ZC3H13: variants seen among roughly 807,000 people sequenced by gnomAD.
ZC3H13 encodes zinc finger CCCH domain-containing protein 13.
Under a neutral mutation model 204.1 loss-of-function variants are expected in ZC3H13, and 64 were observed. The ratio of observed to expected loss-of-function variants is 0.31; its 90% CI spans 0.26 to 0.39. The LOEUF (loss-of-function observed/expected upper bound fraction) is 0.39, where lower values mean the gene tolerates loss of function less well. Ranked by LOEUF, ZC3H13 falls within the 10% of genes least tolerant of loss-of-function variation. The probability of loss-of-function intolerance (pLI) is 1.00; values close to 1 mark genes in which losing one functional copy is unlikely to be tolerated. For missense variants in ZC3H13, 1,833 were observed against 2,082.7 expected (o/e 0.88, Z 2.33); for synonymous variants, 667 against 693.7 (o/e 0.96, Z 0.60).
chr13:45,965,166 TA>T, intron 16 of ZC3H13, 113 bp downstream of exon 16: 1 of 1,332,904 alleles, frequency 7.5e-7, no homozygotes, highest in Non-Finnish European at 1.0e-6. Flanking sequence ...AAGTAAAATG[TA>T]AAAGGAAAAA....
intron 5 of ZC3H13, among the ~76,000 whole-genome samples, chr13:46,013,311 G>A (rs937672590): frequency 1.3e-5 from 2 of 151,982 alleles, no homozygotes; most frequent in African/African-American, 4.8e-5. Context: ...CTACTCAGGA[G>A]TCAGAGGCAG....
rs79321217 is a variant in ZC3H13, at chr13:46,016,171, A to G, written c.448+4278T>C. Among the ~76,000 whole-genome samples, 1,300 of 152,276 alleles carry G rather than the reference A, an allele frequency of 8.5e-3. 18 individuals carry two copies. Among genetic ancestry groups the G allele is most frequent in the African/African-American group, 0.029 (1,220 of 41,556 alleles). The stretch of plus-strand genomic sequence containing the variant: ...CATTTTTGATCTGAAATTATCTACT[A>G]AAGAGGAACACATTCACACTCCACA... On this transcript the variant is annotated intron_variant, in intron 5 of 18. Coordinates refer to ENST00000679008, the MANE Select transcript of ZC3H13 (RefSeq NM_001330564.2).
rs542019177 is a variant in ZC3H13, at chr13:45,988,805, G to A, written c.1237C>T (p.Arg413Cys). ...TACACACCTTCCCTCCTTTCATGGC[G>A]TCGATCATGAGACTGTGAAGTTCGT... ...HERTSQSHDR[R>C]HERREDTRGK... Residue 413 changes from arginine to cysteine, a missense_variant, in exon 9 of 19, where the codon CGC becomes TGC. This residue lies in a region of ZC3H13 where 1,574 missense variants were observed against 1,757.2 expected (regional missense o/e 0.90). Transcript: ENST00000679008. 14 of 1,612,320 alleles carry A rather than the reference G, an allele frequency of 8.7e-6. No individual in the cohort carries two copies. Among genetic ancestry groups the A allele is most frequent in the African/African-American group, 2.7e-5 (2 of 74,830 alleles).
chr13:46,042,165 C>G lies in ZC3H13; in HGVS notation c.338G>C (p.Arg113Thr), dbSNP rs763891640. The G allele has an allele frequency of 6.2e-7, 1 of 1,611,614 alleles. No homozygotes were observed. Among genetic ancestry groups the G allele is most frequent in the Admixed American group, 1.7e-5 (1 of 59,904 alleles). The change falls in exon 4 of 19, where the codon AGG becomes ACG. Residue 113 changes from arginine to threonine, a missense_variant and splice_region_variant. This residue lies in a region of ZC3H13 where 1,574 missense variants were observed against 1,757.2 expected (regional missense o/e 0.90). Transcript: ENST00000679008. ...TTGTTTTGGGAAATTCAATCCTACC[C>G]TAACAGGTGAGGATGACTCCTCTGT... ...RNTEESSSPV[R>T]KESSRGRHRE... is the part of the protein sequence containing the mutation.
chr13:46,012,077 C>T (rs894696155), intron 5 of ZC3H13, among the ~76,000 whole-genome samples: 12 of 152,168 alleles, frequency 7.9e-5, no homozygotes, highest in Non-Finnish European at 1.6e-4. Context: ...AATTTTAGTA[C>T]TAATGTGTAC....
intron 4 of ZC3H13, among the ~76,000 whole-genome samples, chr13:46,027,828 A>T (rs1566319177): frequency 6.6e-6 from 1 of 152,240 alleles, no homozygotes. Context: ...ATGCTAAAAA[A>T]GAATGAACAA....
At chr13:45,974,135 G>C (rs1952817299) in intron 12 of ZC3H13, among the ~76,000 whole-genome samples, 1 of 152,348 alleles carries the variant, frequency 6.6e-6, no homozygotes, top group Non-Finnish European at 1.5e-5. Context: ...GTAAACCACA[G>C]TGTTTATCCC....
At chr13:46,025,100 A>G (rs1354972117) in intron 4 of ZC3H13, among the ~76,000 whole-genome samples, 2 of 152,212 alleles carry the variant, frequency 1.3e-5, no homozygotes, top group Non-Finnish European at 1.5e-5. Flanking sequence ...TTGTATGTCA[A>G]TAACATTCTC....
intron 8 of ZC3H13, among the ~76,000 whole-genome samples, chr13:45,992,315 C>A (rs1366949177): frequency 6.6e-6 from 1 of 152,034 alleles, no homozygotes; most frequent in African/African-American, 2.4e-5. Flanking sequence ...AATGAGGATA[C>A]AGAAATGAAG....
Position 46,045,459 on chromosome 13 carries a change from A to G in ZC3H13, c.49T>C (p.Ser17Pro). 6.2e-7 allele frequency: 1 copy of G among 1,614,076 alleles called. No homozygotes were observed. Among genetic ancestry groups the G allele is most frequent in the African/African-American group, 1.3e-5 (1 of 75,038 alleles). Residue 17 changes from serine to proline, a missense_variant, in exon 2 of 19, where the codon TCT becomes CCT. This residue lies in a region of ZC3H13 where 24 missense variants were observed against 27.6 expected (regional missense o/e 0.87). Coordinates refer to ENST00000679008, the MANE Select transcript of ZC3H13 (RefSeq NM_001330564.2). ...CTGGGTCTTCGGGATGTGCTATCAG[A>G]TATAGTCTTGGTATTTTCCACTGTG... ...KVTVENTKTI[S>P]DSTSRRPSVF... is the part of the protein sequence containing the mutation.
intron 8 of ZC3H13, among the ~76,000 whole-genome samples, chr13:45,993,878 T>C (rs543188994): frequency 6.6e-6 from 1 of 152,276 alleles, no homozygotes; most frequent in East Asian, 1.9e-4. Flanking sequence ...GTAAAACAGA[T>C]TTGATTAAAA....
rs985671947 is a variant in ZC3H13, at chr13:45,967,526, G to A, written c.4299C>T (p.Ser1433=). 1.2e-5 allele frequency: 18 copies of A among 1,561,894 alleles called. No homozygotes were observed. Among genetic ancestry groups the A allele is most frequent in the East Asian group, 9.0e-5 (4 of 44,494 alleles). ...CACCTTCCAGACTCTCAGTTCTCTCGGATTTATTTGTTTCTTCAAATCCCT... is the reference window on the plus strand; with the variant it reads ...CACCTTCCAGACTCTCAGTTCTCTCAGATTTATTTGTTTCTTCAAATCCCT... ...SVQGFEETNK[S]ERTESLEAGD... The change falls in exon 15 of 19, where the codon TCC becomes TCT. Residue 1433 remains serine, a synonymous_variant. Transcript: ENST00000679008.
Position 45,969,244 on chromosome 13 carries a change from A to G in ZC3H13, c.3300T>C (p.Leu1100=). ...TAGCCACAGGCGGTGGAGGAGGAAG[A>G]AGAGAAGATAGAGGAGAAGGGGTAC... is the stretch of plus-strand genomic sequence containing the variant. ...PGSTPSPLSS[L]LPPPPPVATA... The change falls in exon 14 of 19, where the codon CTT becomes CTC. Residue 1100 remains leucine, a synonymous_variant. Coordinates refer to ENST00000679008, the MANE Select transcript of ZC3H13 (RefSeq NM_001330564.2). 1 of 1,614,020 alleles carries G rather than the reference A, an allele frequency of 6.2e-7. No homozygotes were observed. Among genetic ancestry groups the G allele is most frequent in the Non-Finnish European group, 8.5e-7 (1 of 1,180,000 alleles).
chr13:45,996,656 A>G (rs769810922), intron 8 of ZC3H13, among the ~76,000 whole-genome samples: 62 of 152,132 alleles, frequency 4.1e-4, no homozygotes, highest in Non-Finnish European at 6.3e-4. Flanking sequence ...CAGTTTGGCA[A>G]TAACAGTAAT....
At position 46,052,683 on chromosome 13, in the gene ZC3H13, C is replaced by T. The variant is rs1017731245; in HGVS notation, c.-289G>A. ...GAAGAGATTGTAGATTAAGAAAAGG[C>T]AACAAAAACACTACCAGGCCGCTAG... On this transcript the variant is annotated 5_prime_UTR_variant, in exon 1 of 19. Transcript: ENST00000679008. 5.0e-6 allele frequency: 2 copies of T among 398,762 alleles called. No individual in the cohort carries two copies. Among genetic ancestry groups the T allele is most frequent in the Non-Finnish European group, 8.8e-6 (2 of 226,236 alleles). 24.7% of individuals were successfully genotyped at this position (398,762 alleles called of 1,614,324 possible). A position where few individuals can be genotyped will look rare whatever the true frequency, so the allele number is the denominator to read the frequency against.
At chr13:46,010,122 TA>T in intron 7 of ZC3H13, 1 of 330,664 alleles carries the variant, frequency 3.0e-6, no homozygotes, top group Middle Eastern at 8.7e-4. Context: ...TTTTATTTCT[TA>T]AAAAATAAAA....
At chr13:45,963,408 G>T in intron 17 of ZC3H13, 1 of 991,882 alleles carries the variant, frequency 1.0e-6, no homozygotes, top group East Asian at 1.1e-4. Context: ...TTTGATATTA[G>T]AACTTATTGG....
At chr13:45,957,431 G>T (rs1229205965) in intron 18 of ZC3H13, 134 bp from the exon 19 acceptor site, 5 of 920,554 alleles carry the variant, frequency 5.4e-6, no homozygotes, top group Non-Finnish European at 4.3e-6. Context: ...AGCTTTATTG[G>T]ATTTCAAAGC....
chr13:46,015,197 C>T (rs145996009), intron 5 of ZC3H13, among the ~76,000 whole-genome samples: 2 of 152,254 alleles, frequency 1.3e-5, no homozygotes, highest in African/African-American at 4.8e-5. Flanking sequence ...TTCTGCCAAA[C>T]GAATGGGTGA....
Sources: gnomAD v4.1 joint callset for allele counts (sites outside exome capture counted in the v4.1 genomes callset) on GRCh38, gnomAD v4.1.1 for gene constraint, gnomAD v4.1.1 regional missense constraint, MANE v1.5 for transcripts, NCBI Gene and HGNC (gene_info 2026-07-23, HGNC 2026-07-21) for gene names.